Variants in KREMEN1 observed in about 807,000 individuals in gnomAD.
KREMEN1 encodes the protein kremen protein 1.
In KREMEN1, 30 loss-of-function variants were observed where a neutral mutation model predicts 46.5. The ratio of observed to expected loss-of-function variants is 0.65; its 90% CI spans 0.48 to 0.88. KREMEN1 has a LOEUF of 0.88. KREMEN1 is among the 40% of genes least tolerant of loss of function. KREMEN1 has a pLI of 0.00. For synonymous variants in KREMEN1, 214 were observed against 230.6 expected, an observed-to-expected ratio of 0.93 and a Z score of 0.65; for missense variants, 533 against 596.9, an observed-to-expected ratio of 0.89 and a Z score of 1.11.
Position 29,073,436 on chromosome 22 carries a change from G to A in KREMEN1, c.97+209G>A, listed in dbSNP as rs145154292. ...CCCGTCATCGACGCCCCCGGGCCCG[G>A]TACTGTCCCCCGGCTGCAGGACCCG... On this transcript the variant is annotated intron_variant, in intron 1 of 8. Coordinates refer to ENST00000400335, the MANE Select transcript of KREMEN1 (RefSeq NM_001039570.3). This position sits in a 1 kb window ranked among gnomAD's most constrained non-coding sequence, Gnocchi z 4.4. Among the ~76,000 whole-genome samples, 732 of 151,992 alleles carry A rather than the reference G, an allele frequency of 4.8e-3. 5 individuals carry two copies. Among genetic ancestry groups the A allele is most frequent in the African/African-American group, 0.017 (685 of 41,476 alleles).
At chr22:29,093,928 C>T (rs561011615) in intron 1 of KREMEN1, among the ~76,000 whole-genome samples, 1 of 152,350 alleles carries the variant, frequency 6.6e-6, no homozygotes, top group Admixed American at 6.5e-5. Context: ...CTGTTACCAA[C>T]TGTTCCCAGA....
rs1274657350 is a variant in KREMEN1, at chr22:29,073,282, G to C, written c.97+55G>C. The C allele has an allele frequency of 1.2e-6, 1 of 808,444 alleles. No individual in the cohort carries two copies. Among genetic ancestry groups the C allele is most frequent in the African/African-American group, 1.8e-5 (1 of 54,628 alleles). 50.1% of individuals were successfully genotyped at this position (808,444 alleles called of 1,614,324 possible). A position where few individuals can be genotyped will look rare whatever the true frequency, so the allele number is the denominator to read the frequency against. ...CCTGAGCGGAGCCCACTCGAGGGGCGACAAGGGCCGGCCGGCCTGAGAGCC... is the reference window on the plus strand; with the variant it reads ...CCTGAGCGGAGCCCACTCGAGGGGCCACAAGGGCCGGCCGGCCTGAGAGCC... On this transcript the variant is annotated intron_variant, in intron 1 of 8. Coordinates refer to ENST00000400335, the MANE Select transcript of KREMEN1 (RefSeq NM_001039570.3). This position sits in a 1 kb window ranked among gnomAD's most constrained non-coding sequence, Gnocchi z 4.4.
At chr22:29,105,990 T>C (rs766490796) in intron 3 of KREMEN1, among the ~76,000 whole-genome samples, 1 of 152,214 alleles carries the variant, frequency 6.6e-6, no homozygotes, top group Non-Finnish European at 1.5e-5. Flanking sequence ...AAAAATAGGA[T>C]GTGAAAGGTT....
At chr22:29,137,273 C>T in intron 5 of KREMEN1, 69 bp from the exon 6 acceptor site, 1 of 1,126,150 alleles carries the variant, frequency 8.9e-7, no homozygotes, top group Non-Finnish European at 1.2e-6. Flanking sequence ...GCTTTAGTGC[C>T]TTGGTGTTGG....
chr22:29,114,558 G>A (rs1259148234), intron 3 of KREMEN1, among the ~76,000 whole-genome samples: 1 of 150,296 alleles, frequency 6.7e-6, no homozygotes, highest in Non-Finnish European at 1.5e-5. Context: ...TGCGGACACA[G>A]CAAGAAGGTT....
At chr22:29,134,667 C>G (rs1029176899) in intron 5 of KREMEN1, among the ~76,000 whole-genome samples, 1 of 152,176 alleles carries the variant, frequency 6.6e-6, no homozygotes, top group Admixed American at 6.5e-5. Flanking sequence ...TACACCTGGG[C>G]AGATCTGCAT....
chr22:29,130,753 G>C (rs1466492513), intron 5 of KREMEN1, among the ~76,000 whole-genome samples: 2 of 152,208 alleles, frequency 1.3e-5, no homozygotes, highest in Non-Finnish European at 2.9e-5. Context: ...GAAGATTGAA[G>C]AGAATCACAG....
chr22:29,167,003 G>A (rs1417145885), intron 9 of KREMEN1: 14 of 1,473,754 alleles, frequency 9.5e-6, no homozygotes, highest in Admixed American at 2.0e-5. Flanking sequence ...GCCTAGGGCT[G>A]TACTTTCAGA....
intron 5 of KREMEN1, among the ~76,000 whole-genome samples, chr22:29,130,198 T>A (rs2038511195): frequency 6.6e-6 from 1 of 152,202 alleles, no homozygotes; most frequent in South Asian, 2.1e-4. Flanking sequence ...AAACTGAGGC[T>A]CATAAAAGTT....
At chr22:29,079,679 T>C (rs1012063132) in intron 1 of KREMEN1, among the ~76,000 whole-genome samples, 3 of 152,196 alleles carry the variant, frequency 2.0e-5, no homozygotes, top group Admixed American at 1.3e-4. Context: ...GTAAAAACAG[T>C]GTAGGCAACT....
intron 5 of KREMEN1, among the ~76,000 whole-genome samples, chr22:29,131,560 A>ATATATATATATATGTG (rs1240832937): frequency 2.9e-5 from 2 of 69,938 alleles, no homozygotes; most frequent in African/African-American, 1.7e-4. Flanking sequence ...ATATATATAT[A>ATATATATATATATGTG]TGTGTGTGTG....
chr22:29,166,949 A>G lies in KREMEN1; in HGVS notation c.1417-95A>G, dbSNP rs978233821. 15 of 1,000,082 alleles carry G rather than the reference A, an allele frequency of 1.5e-5. 1 individual carries two copies. The highest frequency in any genetic ancestry group is 1.2e-4 in the South Asian group (9 of 72,174). The allele number at this position is 1,000,082 out of a possible 1,614,324, so 62.0% of individuals were successfully genotyped here. A position where few individuals can be genotyped will look rare whatever the true frequency, so the allele number is the denominator to read the frequency against. ...CCCTGTCTCAAAAACAAAACAAAAG[A>G]GACCAAAATCAGTCAAATGCTTCTA... On this transcript the variant is annotated intron_variant, in intron 9 of 9. Coordinates refer to the KREMEN1 transcript ENST00000327813.
chr22:29,131,554 ATATATATGTGTGTGTGTGTGTG>A (rs1180009221), intron 5 of KREMEN1, among the ~76,000 whole-genome samples: 42 of 73,222 alleles, frequency 5.7e-4, no homozygotes, highest in Middle Eastern at 5.9e-3. Flanking sequence ...ATATATATAT[ATATATATGTGTGTGTGTGTGTG>A]TGTGTGTGTG....
Position 29,146,506 on chromosome 22 carries a change from A to G in KREMEN1, c.*4394A>G. On this transcript the variant is annotated 3_prime_UTR_variant, in exon 9 of 9. Transcript: ENST00000400335. ...AGACTGGAGGCCCTTCCCCGCCCGCACGGGAGCTGCCATCGTGGGTCTCAT... is the reference window on the plus strand; with the variant it reads ...AGACTGGAGGCCCTTCCCCGCCCGCGCGGGAGCTGCCATCGTGGGTCTCAT... The G allele has an allele frequency of 1.0e-6, 1 of 985,576 alleles. No homozygotes were observed. The highest frequency in any genetic ancestry group is 1.2e-6 in the Non-Finnish European group (1 of 829,940). 61.1% of individuals were successfully genotyped at this position (985,576 alleles called of 1,614,324 possible). A position where few individuals can be genotyped will look rare whatever the true frequency, so the allele number is the denominator to read the frequency against.
chr22:29,137,782 G>T, intron 6 of KREMEN1, 108 bp downstream of exon 6: 1 of 830,026 alleles, frequency 1.2e-6, no homozygotes, highest in Non-Finnish European at 1.8e-6. Flanking sequence ...TTGGGCCTCA[G>T]GAACTACTGA....
chr22:29,161,640 C>T (rs181459610), intron 9 of KREMEN1, among the ~76,000 whole-genome samples: 1 of 151,400 alleles, frequency 6.6e-6, no homozygotes, highest in East Asian at 2.0e-4. Flanking sequence ...ACCAATTCTA[C>T]TGAAACTATT....
chr22:29,106,379 C>T (rs1011810940), intron 3 of KREMEN1, among the ~76,000 whole-genome samples: 1 of 150,660 alleles, frequency 6.6e-6, no homozygotes, highest in Non-Finnish European at 1.5e-5. Context: ...CGCCATCACG[C>T]CCAGCTAATT....
In KREMEN1 at chr22:29,096,481, A is replaced by G. The variant is rs545940314; in HGVS notation, c.260+2061A>G. ...TCTAGAAATGTACCCATAAACATCCATTAAGAGAGCAGTGAGAGCCAGGAG... is the reference window on the plus strand; with the variant it reads ...TCTAGAAATGTACCCATAAACATCCGTTAAGAGAGCAGTGAGAGCCAGGAG... On this transcript the variant is annotated intron_variant, in intron 2 of 8. Coordinates refer to ENST00000400335, the MANE Select transcript of KREMEN1 (RefSeq NM_001039570.3). Among the ~76,000 whole-genome samples the G allele has an allele frequency of 7.2e-5, 11 of 152,332 alleles. No homozygotes were observed. The South Asian group carries it at 2.3e-3, about 32-fold the overall frequency.
chr22:29,073,345 C>A lies in KREMEN1; in HGVS notation c.97+118C>A. On this transcript the variant is annotated intron_variant, in intron 1 of 8. Coordinates refer to ENST00000400335, the MANE Select transcript of KREMEN1 (RefSeq NM_001039570.3). This position sits in a 1 kb window ranked among gnomAD's most constrained non-coding sequence, Gnocchi z 4.4. The stretch of plus-strand genomic sequence containing the variant: ...CTTCAGGACCTTCCGGGCCCCTTCC[C>A]CTCGCCCCTAGGCGACGCCCCTCAG... 3.7e-6 allele frequency: 1 copy of A among 267,408 alleles called. No homozygotes were observed. The highest frequency in any genetic ancestry group is 6.3e-6 in the Non-Finnish European group (1 of 158,566). 16.6% of individuals were successfully genotyped at this position (267,408 alleles called of 1,614,324 possible).
Sources: gnomAD v4.1 joint callset for allele counts (sites outside exome capture counted in the v4.1 genomes callset) on GRCh38, gnomAD v4.1.1 for gene constraint, Gnocchi (gnomAD v3.1) non-coding constraint, MANE v1.5 for transcripts, NCBI Gene and HGNC (gene_info 2026-07-23, HGNC 2026-07-21) for gene names.